Variants in MACROD2 observed in about 807,000 individuals in gnomAD.
MACROD2 encodes ADP-ribose glycohydrolase MACROD2.
MACROD2 carries 36 observed loss-of-function variants against 70.4 expected under a neutral mutation model. That is an observed-to-expected ratio of 0.51 (90% CI 0.39 to 0.68). The LOEUF (loss-of-function observed/expected upper bound fraction) is 0.68, where lower values mean the gene tolerates loss of function less well. Ranked by LOEUF, MACROD2 falls within the 30% of genes least tolerant of loss-of-function variation. MACROD2 has a pLI of 0.00. For synonymous variants in MACROD2, 172 were observed against 178.8 expected (o/e 0.96, Z 0.30); for missense variants, 496 against 538.4 (o/e 0.92, Z 0.78).
intron 8 of MACROD2, among the ~76,000 whole-genome samples, chr20:15,501,216 G>A (rs1300045794): frequency 1.3e-5 from 2 of 152,200 alleles, no homozygotes; most frequent in African/African-American, 4.8e-5. Context: ...CATAGTAAAT[G>A]TTCCACACCT....
In MACROD2 at chr20:14,758,450, G is replaced by T. The variant is rs1182060994; in HGVS notation, c.418+73491G>T. On this transcript the variant is annotated intron_variant, in intron 5 of 17. Coordinates refer to ENST00000684519, the MANE Select transcript of MACROD2 (RefSeq NM_001351661.2). Reference sequence around the variant, plus strand: ...TTTCCACAGCCATACTAAGTAGCTGGATTCAGGCCTGTGAATTTGGTAATG... The same window carrying T: ...TTTCCACAGCCATACTAAGTAGCTGTATTCAGGCCTGTGAATTTGGTAATG... Among the ~76,000 whole-genome samples, 2 of 152,178 alleles carry T rather than the reference G, an allele frequency of 1.3e-5. 1 individual carries two copies. The highest frequency in any genetic ancestry group is 4.8e-5 in the African/African-American group (2 of 41,408).
chr20:14,599,653 G>A (rs1207207464), intron 4 of MACROD2, among the ~76,000 whole-genome samples: 4 of 152,160 alleles, frequency 2.6e-5, no homozygotes, highest in Non-Finnish European at 2.9e-5. Flanking sequence ...TTAGAAGGTA[G>A]AGAGATTGGA....
intron 4 of MACROD2, among the ~76,000 whole-genome samples, chr20:14,639,708 C>G (rs1285902890): frequency 2.0e-5 from 3 of 152,312 alleles, no homozygotes; most frequent in Non-Finnish European, 2.9e-5. Context: ...AACAGCAACT[C>G]TACACCATCA....
intron 5 of MACROD2, among the ~76,000 whole-genome samples, chr20:15,120,832 G>T (rs181473839): frequency 6.6e-6 from 1 of 152,194 alleles, no homozygotes; most frequent in Admixed American, 6.6e-5. Flanking sequence ...CTACTCTAGT[G>T]AACTTTCTTC....
At chr20:15,177,396 A>T (rs577228441) in intron 5 of MACROD2, among the ~76,000 whole-genome samples, 2 of 152,290 alleles carry the variant, frequency 1.3e-5, no homozygotes, top group East Asian at 3.9e-4. Context: ...GAAGGTGAAG[A>T]TTGTCATTGT....
At chr20:14,629,556 A>G (rs761077772) in intron 4 of MACROD2, among the ~76,000 whole-genome samples, 1 of 152,200 alleles carries the variant, frequency 6.6e-6, no homozygotes, top group Non-Finnish European at 1.5e-5. Context: ...ATGTGAATAT[A>G]TAATAAATGT....
chr20:15,726,880 G>T (rs1310089253), intron 8 of MACROD2, among the ~76,000 whole-genome samples: 2 of 152,052 alleles, frequency 1.3e-5, no homozygotes, highest in Non-Finnish European at 2.9e-5. Flanking sequence ...TCTGTAGGTT[G>T]TCTGCTTACT....
At position 15,193,729 on chromosome 20, in the gene MACROD2, A is replaced by C. The variant is rs184788352; in HGVS notation, c.419-36211A>C. 8.6e-5 allele frequency among the ~76,000 whole-genome samples: 13 copies of C among 151,716 alleles called. No individual in the cohort carries two copies. The East Asian group carries it at 2.1e-3, about 25-fold the overall frequency. On this transcript the variant is annotated intron_variant, in intron 5 of 17. Coordinates refer to ENST00000684519, the MANE Select transcript of MACROD2 (RefSeq NM_001351661.2). ...CGCTGGCTCCCACCCTCATCCTCTC[A>C]TTTCCCCAGCCCCGCTGTCACTCCT...
intron 4 of MACROD2, among the ~76,000 whole-genome samples, chr20:14,583,775 G>C (rs924438709): frequency 6.6e-6 from 1 of 152,184 alleles, no homozygotes; most frequent in African/African-American, 2.4e-5. Context: ...GGTGTCTTAA[G>C]AGATAGACAA....
intron 5 of MACROD2, among the ~76,000 whole-genome samples, chr20:14,835,582 A>T (rs1457524332): frequency 6.6e-6 from 1 of 152,014 alleles, no homozygotes; most frequent in Non-Finnish European, 1.5e-5. Context: ...TACAGAGGGG[A>T]TGACCCAGGA....
intron 5 of MACROD2, among the ~76,000 whole-genome samples, chr20:15,132,318 G>A (rs889921590): frequency 2.6e-5 from 4 of 151,878 alleles, no homozygotes; most frequent in African/African-American, 4.8e-5. Context: ...AAAAGATTAC[G>A]TAGAAAAAAA....
chr20:14,533,577 A>T (rs1405976219), intron 4 of MACROD2, among the ~76,000 whole-genome samples: 1 of 152,238 alleles, frequency 6.6e-6, no homozygotes, highest in Non-Finnish European at 1.5e-5. Context: ...ACAAAGTTGC[A>T]CTCATCCCTG....
At chr20:15,162,363 C>T (rs1028236127) in intron 5 of MACROD2, among the ~76,000 whole-genome samples, 2 of 151,864 alleles carry the variant, frequency 1.3e-5, no homozygotes, top group African/African-American at 2.4e-5. Flanking sequence ...GACAAAGATA[C>T]GTTTGAATCT....
intron 6 of MACROD2, among the ~76,000 whole-genome samples, chr20:15,389,636 T>C (rs2045766006): frequency 1.3e-5 from 2 of 152,330 alleles, no homozygotes; most frequent in East Asian, 3.9e-4. Flanking sequence ...TAAAATAGCC[T>C]CGTTTCAGTT....
chr20:14,262,266 G>T (rs1423157280), intron 3 of MACROD2, among the ~76,000 whole-genome samples: 1 of 152,134 alleles, frequency 6.6e-6, no homozygotes, highest in Non-Finnish European at 1.5e-5. Context: ...AGTAAGGAGA[G>T]AGAATCTACA....
intron 4 of MACROD2, among the ~76,000 whole-genome samples, chr20:14,644,531 C>G (rs1319797639): frequency 6.6e-6 from 1 of 152,068 alleles, no homozygotes; most frequent in Non-Finnish European, 1.5e-5. Flanking sequence ...ACTGTCTCAC[C>G]CCAGTGTAGA....
At chr20:14,704,226 A>G (rs1159150055) in intron 5 of MACROD2, among the ~76,000 whole-genome samples, 4 of 152,178 alleles carry the variant, frequency 2.6e-5, no homozygotes, top group Admixed American at 6.5e-5. Flanking sequence ...AATGATCCAC[A>G]GGCCCAAATC....
At chr20:14,455,690 T>C (rs2084293392) in intron 3 of MACROD2, among the ~76,000 whole-genome samples, 1 of 151,848 alleles carries the variant, frequency 6.6e-6, no homozygotes, top group African/African-American at 2.4e-5. Context: ...TTCACTTGTC[T>C]ATGAACCAAC....
At chr20:15,087,865 A>G (rs2075760388) in intron 5 of MACROD2, among the ~76,000 whole-genome samples, 1 of 152,040 alleles carries the variant, frequency 6.6e-6, no homozygotes, top group Non-Finnish European at 1.5e-5. Context: ...TTTTCTAGGT[A>G]ATATACAGAA....
Sources: allele counts gnomAD v4.1 joint callset (sites outside exome capture counted in the v4.1 genomes callset), GRCh38; gene constraint gnomAD v4.1.1; transcripts MANE v1.5; gene names NCBI Gene and HGNC (gene_info 2026-07-23, HGNC 2026-07-21).